CFAP69: variants seen among roughly 807,000 people sequenced by gnomAD.
CFAP69 encodes the protein cilia- and flagella-associated protein 69.
In CFAP69, 92 loss-of-function variants were observed where a neutral mutation model predicts 123.0. That is an observed-to-expected ratio of 0.75 (90% confidence interval 0.63 to 0.89). The LOEUF (loss-of-function observed/expected upper bound fraction) is 0.89. Ranked by LOEUF, CFAP69 falls within the 40% of genes least tolerant of loss-of-function variation. The probability of loss-of-function intolerance (pLI) is 0.00; values close to 1 mark genes in which losing one functional copy is unlikely to be tolerated. For missense variants in CFAP69, 1,067 were observed against 1,096.9 expected (o/e 0.97, Z 0.39); for synonymous variants, 380 against 364.3 (o/e 1.04, Z -0.49).
At chr7:90,263,174 G>A (rs552495712) in intron 4 of CFAP69, among the ~76,000 whole-genome samples, 51 of 152,224 alleles carry the variant, frequency 3.4e-4, no homozygotes, top group Middle Eastern at 6.8e-3. Context: ...GAAAACTTGT[G>A]ACTGAATGTT....
intron 1 of CFAP69, among the ~76,000 whole-genome samples, chr7:90,254,113 T>C (rs1319365553): frequency 6.6e-6 from 1 of 152,230 alleles, no homozygotes; most frequent in African/African-American, 2.4e-5. Flanking sequence ...CCACTGTATG[T>C]TCTTGGTACC....
the CFAP69 span, chr7:90,319,236 A>C: frequency 2.5e-6 from 1 of 396,926 alleles, no homozygotes; most frequent in African/African-American, 2.1e-5. Flanking sequence ...CATTTTAGGG[A>C]AAAAAACTAA....
intron 12 of CFAP69, among the ~76,000 whole-genome samples, chr7:90,282,480 C>T (rs1324055088): frequency 6.6e-6 from 1 of 152,118 alleles, no homozygotes; most frequent in Non-Finnish European, 1.5e-5. Flanking sequence ...AAACTCTTCT[C>T]AATGGATATA....
chr7:90,297,780 G>A lies in CFAP69; in HGVS notation c.1807G>A (p.Asp603Asn), dbSNP rs764619574. The change falls in exon 16 of 23, where the codon GAT becomes AAT. Residue 603 changes from aspartate (D) to asparagine (N), a missense_variant. Asp to Asn is a conservative substitution (Grantham distance 23, BLOSUM62 1). Transcript: ENST00000389297. ...TATTTTGGGATGTTATCCCTCAGAG[G>A]ATTATTTTCTTGAAAAGGAAGGCAT... The part of the protein sequence containing the change: ...CCILGCYPSE[D>N]YFLEKEGIFL... 6.4e-7 allele frequency: 1 copy of A among 1,573,028 alleles called. No individual in the cohort carries two copies. Among genetic ancestry groups the A allele is most frequent in the Non-Finnish European group, 8.6e-7 (1 of 1,167,372 alleles).
chr7:90,313,777 G>C (rs192321414), downstream of CFAP69, among the ~76,000 whole-genome samples: 1 of 152,158 alleles, frequency 6.6e-6, no homozygotes. Flanking sequence ...AATGATTTAT[G>C]TAGATATTCC....
intron 4 of CFAP69, 105 bp downstream of exon 4, chr7:90,262,161 GA>G: frequency 1.4e-6 from 1 of 692,212 alleles, no homozygotes; most frequent in Non-Finnish European, 2.3e-6. Context: ...GATTGCTACA[GA>G]ACTCAGAAAA....
chr7:90,274,887 A>G (rs183430005), intron 9 of CFAP69, among the ~76,000 whole-genome samples: 35 of 152,274 alleles, frequency 2.3e-4, no homozygotes, highest in South Asian at 1.0e-3. Flanking sequence ...ACTCTTGGCC[A>G]TTATTTCTTC....
At chr7:90,262,943 A>T (rs1355025756) in intron 4 of CFAP69, among the ~76,000 whole-genome samples, 1 of 152,154 alleles carries the variant, frequency 6.6e-6, no homozygotes, top group East Asian at 1.9e-4. Context: ...TTGAATGCCT[A>T]TACCATGCCT....
rs1790591905 is a variant in CFAP69 at position 90,288,232 on chromosome 7, A to G, written c.1657-2A>G. On this transcript the variant is annotated splice_acceptor_variant, in intron 14 of 22. Transcript: ENST00000389297. LOFTEE classifies it high-confidence loss of function. Reference sequence around the variant, plus strand: ...ATAATTTAAAACAAATATCTTAAACAGGAAATTTTCGGAACTGAAGGAGTA... The same window carrying G: ...ATAATTTAAAACAAATATCTTAAACGGGAAATTTTCGGAACTGAAGGAGTA... 6.2e-7 allele frequency: 1 copy of G among 1,600,480 alleles called. No homozygotes were observed. The highest frequency in any genetic ancestry group is 8.5e-7 in the Non-Finnish European group (1 of 1,170,044).
At chr7:90,287,706 T>C in intron 14 of CFAP69, 3 of 985,528 alleles carry the variant, frequency 3.0e-6, no homozygotes, top group Non-Finnish European at 3.6e-6. Context: ...AATCATAATC[T>C]TGCTTACTGG....
At chr7:90,300,435 C>A in intron 17 of CFAP69, 1 of 844,510 alleles carries the variant, frequency 1.2e-6, no homozygotes, top group African/African-American at 1.8e-5. Flanking sequence ...CATTTCTGTT[C>A]ATTTTTCCTT....
chr7:90,282,816 A>T, intron 12 of CFAP69, 76 bp from the exon 13 acceptor site: 1 of 1,166,500 alleles, frequency 8.6e-7, no homozygotes, highest in Non-Finnish European at 1.1e-6. Flanking sequence ...TAAACTTTTG[A>T]TAGATGTATA....
chr7:90,247,000 G>C (rs1479179305), intron 1 of CFAP69, among the ~76,000 whole-genome samples: 2 of 152,044 alleles, frequency 1.3e-5, no homozygotes, highest in Admixed American at 6.5e-5. Context: ...CAAGAAGAAA[G>C]CAATCAATTT....
At chr7:90,314,984 G>A (rs1433997313), downstream of CFAP69, among the ~76,000 whole-genome samples, 1 of 152,012 alleles carries the variant, frequency 6.6e-6, no homozygotes, top group Non-Finnish European at 1.5e-5. Flanking sequence ...CATACATGGA[G>A]CCAACAAGCG....
At chr7:90,257,772 A>C (rs1797825526) in intron 2 of CFAP69, among the ~76,000 whole-genome samples, 1 of 152,060 alleles carries the variant, frequency 6.6e-6, no homozygotes, top group Admixed American at 6.6e-5. Context: ...CCATTCATCC[A>C]TTGATGGACA....
chr7:90,310,059 C>A lies in CFAP69; in HGVS notation c.2656-9C>A. On this transcript the variant is annotated splice_polypyrimidine_tract_variant and intron_variant, in intron 22 of 22. Coordinates refer to ENST00000389297, the MANE Select transcript of CFAP69 (RefSeq NM_001039706.3). The stretch of plus-strand genomic sequence containing the variant: ...TGGACTTTTAGATATTTACCTTTTG[C>A]CTTTTTAGGTGCCCTCTGGTGGAGT... 6.3e-7 allele frequency: 1 copy of A among 1,599,794 alleles called. No individual in the cohort carries two copies. The highest frequency in any genetic ancestry group is 1.1e-5 in the South Asian group (1 of 88,458).
chr7:90,257,735 T>C (rs1200312932), intron 2 of CFAP69, among the ~76,000 whole-genome samples: 2 of 152,200 alleles, frequency 1.3e-5, no homozygotes, highest in Admixed American at 1.3e-4. Flanking sequence ...AGGATTCCAT[T>C]GTATATATAG....
downstream of CFAP69, among the ~76,000 whole-genome samples, chr7:90,311,967 A>G (rs975352179): frequency 6.6e-6 from 1 of 152,230 alleles, no homozygotes; most frequent in Admixed American, 6.5e-5. Context: ...ATGCCCATAC[A>G]AAAAATACCA....
chr7:90,252,852 G>A (rs1015492149), intron 1 of CFAP69, among the ~76,000 whole-genome samples: 2 of 151,990 alleles, frequency 1.3e-5, no homozygotes, highest in Admixed American at 1.3e-4. Flanking sequence ...ATATGAATTT[G>A]TAATTTTTAA....
Sources: allele counts gnomAD v4.1 joint callset (sites outside exome capture counted in the v4.1 genomes callset), GRCh38; gene constraint gnomAD v4.1.1; transcripts MANE v1.5; gene names NCBI Gene and HGNC (gene_info 2026-07-23, HGNC 2026-07-21).